FKBP4: variants seen among roughly 807,000 people sequenced by gnomAD.
FKBP4 encodes the protein peptidyl-prolyl cis-trans isomerase FKBP4.
FKBP4 carries 28 observed loss-of-function variants against 54.1 expected under a neutral mutation model. The observed-to-expected ratio is 0.52, with a 90% CI of 0.38 to 0.71. The LOEUF is 0.71. FKBP4 is among the 30% of genes least tolerant of loss of function. The probability of loss-of-function intolerance (pLI) is 0.00; values close to 1 mark genes in which losing one functional copy is unlikely to be tolerated. For synonymous variants in FKBP4, 223 were observed against 216.1 expected, an observed-to-expected ratio of 1.03 and a Z score of -0.28; for missense variants, 493 against 574.4, an observed-to-expected ratio of 0.86 and a Z score of 1.45.
intron 1 of FKBP4, chr12:2,796,873 T>C: frequency 3.1e-6 from 4 of 1,270,140 alleles, no homozygotes; most frequent in Non-Finnish European, 4.0e-6. Context: ...TTTTAAAAAC[T>C]TACCATACAG....
chr12:2,798,655 A>G lies in FKBP4; in HGVS notation c.394-51A>G. 1.2e-6 allele frequency: 2 copies of G among 1,610,858 alleles called. No individual in the cohort carries two copies. The highest frequency in any genetic ancestry group is 1.7e-6 in the Non-Finnish European group (2 of 1,178,858). ...TCTCGGATGAGAAAGATTGTGTTTC[A>G]CTGCCCATGAGTTAGCATGGGAAGG... is the stretch of plus-strand genomic sequence containing the variant. On this transcript the variant is annotated intron_variant, in intron 3 of 9. Transcript: ENST00000001008. The surrounding 1 kb of genome is among the most constrained non-coding windows in gnomAD (Gnocchi z 4.3).
Position 2,795,124 on chromosome 12 carries a change from G to A in FKBP4, c.-16G>A, listed in dbSNP as rs374119103. The A allele has an allele frequency of 2.3e-6, 3 of 1,294,434 alleles. No individual in the cohort carries two copies. The highest frequency in any genetic ancestry group is 3.1e-5 in the African/African-American group (2 of 65,478). The allele number at this position is 1,294,434 out of a possible 1,614,324, so 80.2% of individuals were successfully genotyped here. Reference sequence around the variant, plus strand: ...CGCCGGCACCAGCTCCCGGATAAACGGCGCGCCGCGCGGAGATGACAGCCG... The same window carrying A: ...CGCCGGCACCAGCTCCCGGATAAACAGCGCGCCGCGCGGAGATGACAGCCG... On this transcript the variant is annotated 5_prime_UTR_variant, in exon 1 of 10. Transcript: ENST00000001008. This position sits in a 1 kb window ranked among gnomAD's most constrained non-coding sequence, Gnocchi z 4.3.
At chr12:2,803,003 C>T in intron 9 of FKBP4, 148 bp from the exon 10 acceptor site, 1 of 596,832 alleles carries the variant, frequency 1.7e-6, no homozygotes, top group Non-Finnish European at 3.0e-6. Context: ...GCTGGGATTA[C>T]AGGCATAAGC....
At chr12:2,797,409 C>A in intron 2 of FKBP4, 127 bp downstream of exon 2, 7 of 1,088,966 alleles carry the variant, frequency 6.4e-6, no homozygotes, top group Non-Finnish European at 9.2e-6. Flanking sequence ...CTCTTTCGGT[C>A]ACTCTTTTTT....
intron 1 of FKBP4, chr12:2,796,917 T>G (rs2153919245): frequency 7.4e-7 from 1 of 1,353,590 alleles, no homozygotes; most frequent in Non-Finnish European, 9.5e-7. Context: ...CAGCCTTTTG[T>G]CTCCTTTTTC....
chr12:2,795,975 G>A lies in FKBP4; in HGVS notation c.105+731G>A. On this transcript the variant is annotated intron_variant, in intron 1 of 9. Coordinates refer to ENST00000001008, the MANE Select transcript of FKBP4 (RefSeq NM_002014.4). The surrounding 1 kb of genome is among the most constrained non-coding windows in gnomAD (Gnocchi z 4.3). Reference sequence around the variant, plus strand: ...CGGAGCCAGGGCTGCGGGGTGTGGGGCGGGGAGGAGGCGCTCTGCTGTGGA... The same window carrying A: ...CGGAGCCAGGGCTGCGGGGTGTGGGACGGGGAGGAGGCGCTCTGCTGTGGA... 5.6e-6 allele frequency: 6 copies of A among 1,079,116 alleles called. No individual in the cohort carries two copies. In the South Asian group the frequency reaches 1.4e-4, roughly 26 times the overall value. 66.8% of individuals were successfully genotyped at this position (1,079,116 alleles called of 1,614,324 possible).
intron 7 of FKBP4, 125 bp downstream of exon 7, chr12:2,800,247 T>C (rs2097904009): frequency 7.3e-7 from 1 of 1,365,918 alleles, no homozygotes. Flanking sequence ...CATCTTCACT[T>C]CATATATGTG....
chr12:2,803,048 A>G (rs2097905705), intron 9 of FKBP4, 103 bp from the exon 10 acceptor site: 1 of 842,302 alleles, frequency 1.2e-6, no homozygotes, highest in Non-Finnish European at 1.9e-6. Context: ...TAGCTTTAGG[A>G]CAGATGTAGG....
In FKBP4 at chr12:2,801,140, C is replaced by T. The variant is rs1565397855; in HGVS notation, c.1056C>T (p.Asn352=). Residue 352 remains asparagine (N), a synonymous_variant, in exon 9 of 10, where the codon AAC becomes AAT. Transcript: ENST00000001008. ...AGGCCCTAGAACTGGACAGCAACAA[C>T]GAGAAGGGCCTCTTCCGCCGGGGAG... The part of the protein sequence containing the change: ...CNKALELDSN[N]EKGLFRRGEA... 9.3e-6 allele frequency: 15 copies of T among 1,613,898 alleles called. 1 individual carries two copies. The Middle Eastern group carries it at 1.5e-3, about 162-fold the overall frequency.
In FKBP4 at chr12:2,805,094, G is replaced by A. The variant is rs2097906794; in HGVS notation, c.*1836G>A. The A allele has an allele frequency of 8.9e-6, 4 of 451,356 alleles. No individual in the cohort carries two copies. The highest frequency in any genetic ancestry group is 1.3e-5 in the Non-Finnish European group (3 of 224,614). 28.0% of individuals were successfully genotyped at this position (451,356 alleles called of 1,614,324 possible). On this transcript the variant is annotated 3_prime_UTR_variant, in exon 10 of 10. Coordinates refer to ENST00000001008, the MANE Select transcript of FKBP4 (RefSeq NM_002014.4). ...GAGTAAGCCTAGCACTGTACTGACAGCATCACATGAGTGAAACTGAATCCT... is the reference window on the plus strand; with the variant it reads ...GAGTAAGCCTAGCACTGTACTGACAACATCACATGAGTGAAACTGAATCCT...
chr12:2,794,973 A>AC lies in FKBP4; in HGVS notation c.-163dup. 1 of 331,486 alleles carries AC rather than the reference A, an allele frequency of 3.0e-6. No homozygotes were observed. The highest frequency in any genetic ancestry group is 4.5e-5 in the East Asian group (1 of 22,130). The allele number at this position is 331,486 out of a possible 1,614,324, so 20.5% of individuals were successfully genotyped here. ...TCCCCGAGCCGCTCCTGACCCACCT[A>AC]CCCCAGCTCTCGCGCCGCGTGCAGA... On this transcript the variant is annotated 5_prime_UTR_variant, in exon 1 of 10. Transcript: ENST00000001008.
intron 9 of FKBP4, among the ~76,000 whole-genome samples, 169 bp from the exon 10 acceptor site, chr12:2,802,982 C>T (rs562602293): frequency 6.6e-6 from 1 of 152,344 alleles, no homozygotes; most frequent in African/African-American, 2.4e-5. Flanking sequence ...ACCACCTCAG[C>T]CTCCCAAAGT....
At chr12:2,796,605 A>C in intron 1 of FKBP4, 1 of 1,167,452 alleles carries the variant, frequency 8.6e-7, no homozygotes, top group Non-Finnish European at 1.1e-6. Flanking sequence ...GGGTTCACCT[A>C]TAACCTGGTT....
In FKBP4 at chr12:2,797,728, G is replaced by A. The variant is rs1369053903; in HGVS notation, c.251-1G>A. ...GGTCCTGTTTGCTTCTGTACCTGCA[G>A]GGGAGGTCATCAAGGCTTGGGACAT... On this transcript the variant is annotated splice_acceptor_variant, in intron 2 of 9. Transcript: ENST00000001008. LOFTEE classifies it high-confidence loss of function. 1 of 1,611,716 alleles carries A rather than the reference G, an allele frequency of 6.2e-7. No homozygotes were observed. Among genetic ancestry groups the A allele is most frequent in the Non-Finnish European group, 8.5e-7 (1 of 1,178,464 alleles).
chr12:2,800,672 G>T, intron 8 of FKBP4, 95 bp downstream of exon 8: 4 of 1,248,670 alleles, frequency 3.2e-6, no homozygotes, highest in Middle Eastern at 1.9e-4. Flanking sequence ...GACTAGGGCA[G>T]GGATAGCAGG....
rs979585914 is a variant in FKBP4 at position 2,798,573 on chromosome 12, C to T, written c.394-133C>T. 6.7e-7 allele frequency: 1 copy of T among 1,483,150 alleles called. No homozygotes were observed. The allele number at this position is 1,483,150 out of a possible 1,614,324, so 91.9% of individuals were successfully genotyped here. ...GAACTGAAAAAAAGTGCCACTCTAC[C>T]CAACTCCTTGTGACTGCCCTTGTGG... On this transcript the variant is annotated intron_variant, in intron 3 of 9. Transcript: ENST00000001008. This position sits in a 1 kb window ranked among gnomAD's most constrained non-coding sequence, Gnocchi z 4.3.
chr12:2,805,287 G>A lies in FKBP4; in HGVS notation c.*2029G>A. 1 of 422,408 alleles carries A rather than the reference G, an allele frequency of 2.4e-6. No individual in the cohort carries two copies. Among genetic ancestry groups the A allele is most frequent in the Non-Finnish European group, 4.7e-6 (1 of 214,004 alleles). 26.2% of individuals were successfully genotyped at this position (422,408 alleles called of 1,614,324 possible). A position where few individuals can be genotyped will look rare whatever the true frequency, so the allele number is the denominator to read the frequency against. On this transcript the variant is annotated 3_prime_UTR_variant, in exon 10 of 10. Transcript: ENST00000001008. ...TCTGTCCTCATCTGCAAAATCGAAA[G>A]CATTCCTGAGGTTTCTTCCAGCTCT...
At position 2,795,870 on chromosome 12, in the gene FKBP4, G is replaced by GT; in HGVS notation, c.105+626_105+627insT. ...CAGCGAGGTCCCCACTCGCCGCGCG[G>GT]CGCCCCCTCCCTCGGCCCCGGGGAG... On this transcript the variant is annotated intron_variant, in intron 1 of 9. Transcript: ENST00000001008. This position sits in a 1 kb window ranked among gnomAD's most constrained non-coding sequence, Gnocchi z 4.3. 2 of 835,878 alleles carry GT rather than the reference G, an allele frequency of 2.4e-6. No homozygotes were observed. The highest frequency in any genetic ancestry group is 5.2e-5 in the South Asian group (1 of 19,246). 51.8% of individuals were successfully genotyped at this position (835,878 alleles called of 1,614,324 possible).
chr12:2,799,079 T>C lies in FKBP4; in HGVS notation c.515-9T>C. The C allele has an allele frequency of 2.0e-6, 3 of 1,524,338 alleles. No individual in the cohort carries two copies. The highest frequency in any genetic ancestry group is 2.6e-6 in the Non-Finnish European group (3 of 1,136,418). The allele number at this position is 1,524,338 out of a possible 1,614,324, so 94.4% of individuals were successfully genotyped here. On this transcript the variant is annotated splice_polypyrimidine_tract_variant and intron_variant, in intron 4 of 9. Coordinates refer to ENST00000001008, the MANE Select transcript of FKBP4 (RefSeq NM_002014.4). ...ACAACTCTGGTACACTGCCTCTCTT[T>C]CATGCCAGTTGCACTGGAAGGGTAC...
Sources: gnomAD v4.1 joint callset for allele counts (sites outside exome capture counted in the v4.1 genomes callset) on GRCh38, gnomAD v4.1.1 for gene constraint, Gnocchi (gnomAD v3.1) non-coding constraint, MANE v1.5 for transcripts, NCBI Gene and HGNC (gene_info 2026-07-23, HGNC 2026-07-21) for gene names.